Variants in COL14A1 observed in about 807,000 individuals in gnomAD.
The protein encoded by COL14A1 is collagen type XIV alpha 1 chain.
COL14A1 carries 136 observed loss-of-function variants against 230.3 expected under a neutral mutation model. The observed-to-expected ratio is 0.59, with a 90% CI of 0.51 to 0.68. The LOEUF (loss-of-function observed/expected upper bound fraction) is 0.68. COL14A1 is among the 30% of genes least tolerant of loss of function. The probability of loss-of-function intolerance (pLI) is 0.00; values close to 1 mark genes in which losing one functional copy is unlikely to be tolerated. For missense variants in COL14A1, 1,976 were observed against 2,215.8 expected, an observed-to-expected ratio of 0.89 and a Z score of 2.17; for synonymous variants, 792 against 784.1, an observed-to-expected ratio of 1.01 and a Z score of -0.17.
chr8:120,223,677 A>AT (rs892207695), intron 14 of COL14A1, among the ~76,000 whole-genome samples: 1 of 152,138 alleles, frequency 6.6e-6, no homozygotes, highest in African/African-American at 2.4e-5. Context: ...TCTCCAAAAA[A>AT]CAACAACAAA....
At position 120,231,621 on chromosome 8, in the gene COL14A1, C is replaced by G. The variant is rs1305998784; in HGVS notation, c.2349+3C>G. On this transcript the variant is annotated splice_donor_region_variant and intron_variant, in intron 19 of 47. Coordinates refer to ENST00000297848, the MANE Select transcript of COL14A1 (RefSeq NM_021110.4). ...CTGAGGAAGAAGTCATAGGAACGGTCTGTATAAATTCAACTGACTAGAAAC... is the reference window on the plus strand; with the variant it reads ...CTGAGGAAGAAGTCATAGGAACGGTGTGTATAAATTCAACTGACTAGAAAC... 1 of 1,612,658 alleles carries G rather than the reference C, an allele frequency of 6.2e-7. No individual in the cohort carries two copies. The highest frequency in any genetic ancestry group is 1.7e-5 in the Admixed American group (1 of 59,766).
chr8:120,236,183 T>C (rs751740428), intron 19 of COL14A1, among the ~76,000 whole-genome samples: 15 of 152,188 alleles, frequency 9.9e-5, no homozygotes, highest in Non-Finnish European at 7.3e-5. Context: ...TAATTTTCTG[T>C]CTCATTTATC....
rs562978200 is a variant in COL14A1, at chr8:120,208,128, A to T, written c.1192-104A>T. On this transcript the variant is annotated intron_variant, in intron 10 of 47. Transcript: ENST00000297848. ...AAGGGGGATGTGGCACAAACAAGAAAATATTCAATGAAATATTTTTGCTGG... is the reference window on the plus strand; with the variant it reads ...AAGGGGGATGTGGCACAAACAAGAATATATTCAATGAAATATTTTTGCTGG... 184 of 1,201,568 alleles carry T rather than the reference A, an allele frequency of 1.5e-4. 2 individuals carry two copies. Among genetic ancestry groups the T allele is most frequent in the South Asian group, 6.7e-4 (38 of 57,138 alleles). 74.4% of individuals were successfully genotyped at this position (1,201,568 alleles called of 1,614,324 possible). A position where few individuals can be genotyped will look rare whatever the true frequency, so the allele number is the denominator to read the frequency against.
chr8:120,138,812 C>A (rs575223997), intron 1 of COL14A1, among the ~76,000 whole-genome samples: 10 of 152,124 alleles, frequency 6.6e-5, no homozygotes, highest in Admixed American at 1.3e-4. Flanking sequence ...ATACATTAAG[C>A]CTATTTCTTT....
intron 1 of COL14A1, among the ~76,000 whole-genome samples, chr8:120,131,912 T>C (rs1379805559): frequency 7.0e-6 from 1 of 143,490 alleles, no homozygotes; most frequent in Non-Finnish European, 1.5e-5. Context: ...AGTGGCGCTA[T>C]CTCGGCTCAC....
At chr8:120,200,048 A>AGCATATATATAT (rs764124914) in intron 8 of COL14A1, among the ~76,000 whole-genome samples, 8 of 149,504 alleles carry the variant, frequency 5.4e-5, no homozygotes, top group African/African-American at 7.5e-5. Context: ...TGTGTGAAAA[A>AGCATATATATAT]GCATATATAT....
intron 17 of COL14A1, 94 bp downstream of exon 17, chr8:120,227,446 A>G (rs1007256242): frequency 4.1e-6 from 6 of 1,474,410 alleles, no homozygotes; most frequent in South Asian, 3.8e-5. Context: ...ATCTTTGGCT[A>G]TGTAAGCTTC....
chr8:120,150,539 T>G (rs1039751076), intron 2 of COL14A1, among the ~76,000 whole-genome samples: 18 of 152,180 alleles, frequency 1.2e-4, no homozygotes, highest in Non-Finnish European at 2.6e-4. Context: ...GGGTCTTTCA[T>G]CTTGACCCCT....
At chr8:120,338,688 GA>G (rs2130251591) in intron 42 of COL14A1, among the ~76,000 whole-genome samples, 1 of 152,306 alleles carries the variant, frequency 6.6e-6, no homozygotes, top group South Asian at 2.1e-4. Flanking sequence ...AACATGCTAA[GA>G]ACAAGGACAG....
chr8:120,303,918 C>G (rs1432926291), intron 36 of COL14A1, among the ~76,000 whole-genome samples: 4 of 151,744 alleles, frequency 2.6e-5, no homozygotes, highest in African/African-American at 9.7e-5. Flanking sequence ...CAATTTTAGA[C>G]CTTGTTATTG....
intron 14 of COL14A1, among the ~76,000 whole-genome samples, chr8:120,219,593 T>C (rs1247352771): frequency 6.6e-6 from 1 of 152,156 alleles, no homozygotes; most frequent in African/African-American, 2.4e-5. Context: ...TCATCCCTCA[T>C]GACCTAATCA....
At chr8:120,294,391 G>A (rs994158985) in intron 34 of COL14A1, among the ~76,000 whole-genome samples, 16 of 149,924 alleles carry the variant, frequency 1.1e-4, no homozygotes, top group African/African-American at 3.7e-4. Flanking sequence ...TCCCTTGAAA[G>A]AGATTATGAA....
At chr8:120,272,830 C>T (rs940911854) in intron 26 of COL14A1, among the ~76,000 whole-genome samples, 7 of 151,580 alleles carry the variant, frequency 4.6e-5, no homozygotes, top group Admixed American at 2.0e-4. Context: ...AGTAAGACAA[C>T]AACACAATAA....
intron 8 of COL14A1, among the ~76,000 whole-genome samples, chr8:120,201,740 G>T (rs2130728993): frequency 6.6e-6 from 1 of 152,276 alleles, no homozygotes; most frequent in Non-Finnish European, 1.5e-5. Context: ...CTTGATTCAA[G>T]AAGTATTAGC....
chr8:120,281,766 T>G (rs191013517), intron 31 of COL14A1, among the ~76,000 whole-genome samples: 1 of 152,284 alleles, frequency 6.6e-6, no homozygotes, highest in Non-Finnish European at 1.5e-5. Flanking sequence ...AATGGCAATG[T>G]TGGAATTTAT....
At chr8:120,242,698 C>A (rs1297607923) in intron 19 of COL14A1, among the ~76,000 whole-genome samples, 1 of 152,190 alleles carries the variant, frequency 6.6e-6, no homozygotes, top group African/African-American at 2.4e-5. Context: ...TCAATTCAGA[C>A]CTGTACATTT....
chr8:120,149,168 C>A (rs762179908), intron 2 of COL14A1, among the ~76,000 whole-genome samples: 3 of 152,158 alleles, frequency 2.0e-5, no homozygotes, highest in Non-Finnish European at 4.4e-5. Context: ...ATCAGCTGAG[C>A]AAGGAATTGT....
At chr8:120,366,027 A>C (rs1823397445) in intron 45 of COL14A1, among the ~76,000 whole-genome samples, 1 of 152,208 alleles carries the variant, frequency 6.6e-6, no homozygotes, top group Non-Finnish European at 1.5e-5. Flanking sequence ...AAAAAACCAA[A>C]ACCTGTTAGT....
chr8:120,177,339 A>G (rs868817866), intron 5 of COL14A1, among the ~76,000 whole-genome samples: 12 of 152,216 alleles, frequency 7.9e-5, no homozygotes, highest in Middle Eastern at 3.4e-3. Context: ...TTAATTATGG[A>G]ATCATTACAT....
Sources: allele counts gnomAD v4.1 joint callset (sites outside exome capture counted in the v4.1 genomes callset), GRCh38; gene constraint gnomAD v4.1.1; transcripts MANE v1.5; gene names NCBI Gene and HGNC (gene_info 2026-07-23, HGNC 2026-07-21).